PDE6A: variants seen among roughly 807,000 people sequenced by gnomAD.
PDE6A encodes the protein rod cGMP-specific 3',5'-cyclic phosphodiesterase subunit alpha.
A neutral mutation model predicts 106.3 loss-of-function variants in PDE6A; 84 were observed. The ratio of observed to expected loss-of-function variants is 0.79; its 90% confidence interval spans 0.66 to 0.95. The LOEUF is 0.95. PDE6A is among the 40% of genes least tolerant of loss of function. The pLI is 0.00. For synonymous variants in PDE6A, 394 were observed against 386.6 expected (o/e 1.02, Z -0.23); for missense variants, 1,052 against 1,084.9 (o/e 0.97, Z 0.43).
At chr5:149,897,373 C>T (rs1282550855) in intron 10 of PDE6A, among the ~76,000 whole-genome samples, 1 of 152,178 alleles carries the variant, frequency 6.6e-6, no homozygotes, top group African/African-American at 2.4e-5. Context: ...AATTTGTTAA[C>T]TTGTAACTGG....
At chr5:149,885,876 G>T (rs1752277936) in intron 14 of PDE6A, among the ~76,000 whole-genome samples, 1 of 152,146 alleles carries the variant, frequency 6.6e-6, no homozygotes, top group African/African-American at 2.4e-5. Context: ...CTTGCTTGTA[G>T]GCCATGCCTC....
intron 4 of PDE6A, among the ~76,000 whole-genome samples, chr5:149,924,335 C>T (rs1753814654): frequency 6.6e-6 from 1 of 151,808 alleles, no homozygotes; most frequent in Non-Finnish European, 1.5e-5. Context: ...CAAAGATTGT[C>T]CCAAGGAGAA....
At position 149,863,315 on chromosome 5, in the gene PDE6A, C is replaced by T. The variant is rs80109118; in HGVS notation, c.2359-49G>A. The T allele has an allele frequency of 6.2e-5, 100 of 1,605,196 alleles. No homozygotes were observed. In the African/African-American group the frequency reaches 1.2e-3, roughly 20 times the overall value. On this transcript the variant is annotated intron_variant, in intron 20 of 21. Coordinates refer to ENST00000255266, the MANE Select transcript of PDE6A (RefSeq NM_000440.3). The surrounding 1 kb of genome is among the most constrained non-coding windows in gnomAD (Gnocchi z 4.7). ...TGGTGCAAGGGCCAGGCCACAGGGT[C>T]TGGGCTCAAGCGGGTGGCACAGCTG...
chr5:149,895,561 G>C (rs906185612), intron 12 of PDE6A, among the ~76,000 whole-genome samples: 16 of 152,092 alleles, frequency 1.1e-4, no homozygotes. Context: ...CTCTGACTGA[G>C]CTTCATCAGT....
chr5:149,932,286 TCTCTTTTTAGTCGG>T, intron 3 of PDE6A: 1 of 1,442,850 alleles, frequency 6.9e-7, no homozygotes, highest in Non-Finnish European at 9.8e-7. Flanking sequence ...CGTAGACCGC[TCTCTTTTTAGTCGG>T]CCAACTGCAC....
At chr5:149,861,295 A>G (rs1444270564) in intron 21 of PDE6A, among the ~76,000 whole-genome samples, 2 of 152,232 alleles carry the variant, frequency 1.3e-5, no homozygotes, top group East Asian at 1.9e-4. Context: ...GCTTCAGCCA[A>G]TTGTTGTCAT....
At chr5:149,926,039 C>T (rs916121616) in intron 4 of PDE6A, among the ~76,000 whole-genome samples, 1 of 151,918 alleles carries the variant, frequency 6.6e-6, no homozygotes, top group African/African-American at 2.4e-5. Flanking sequence ...ATCAGGAGTT[C>T]GAGGCCAACC....
chr5:149,904,467 T>C (rs1375365693), intron 7 of PDE6A, among the ~76,000 whole-genome samples: 1 of 152,144 alleles, frequency 6.6e-6, no homozygotes, highest in Non-Finnish European at 1.5e-5. Context: ...GGCCACCGTG[T>C]ACAGTTGTGT....
At chr5:149,864,837 G>C (rs1760267247) in intron 20 of PDE6A, among the ~76,000 whole-genome samples, 1 of 152,190 alleles carries the variant, frequency 6.6e-6, no homozygotes, top group African/African-American at 2.4e-5. Context: ...CTTACCTTCA[G>C]CCATTAAATC....
Position 149,907,303 on chromosome 5 carries a change from A to G in PDE6A, c.1065+9T>C, listed in dbSNP as rs1484978737. ...CAAAACTCTCCCCCTTCAAAGTTAT[A>G]TTACTTACCAGGCCATTCTGGGCAA... On this transcript the variant is annotated intron_variant, in intron 7 of 21. Transcript: ENST00000255266. 6 of 1,605,044 alleles carry G rather than the reference A, an allele frequency of 3.7e-6. No homozygotes were observed. The highest frequency in any genetic ancestry group is 1.7e-5 in the Admixed American group (1 of 60,000).
Position 149,863,051 on chromosome 5 carries a change from GC to G in PDE6A, c.2506+67del. ...GAGACTCCGTGTAAGAGTCTCTGAG[GC>G]AGGACGCAGACACTGAGTGCTCAGG... On this transcript the variant is annotated intron_variant, in intron 21 of 21. Coordinates refer to ENST00000255266, the MANE Select transcript of PDE6A (RefSeq NM_000440.3). This position sits in a 1 kb window ranked among gnomAD's most constrained non-coding sequence, Gnocchi z 4.7. The G allele has an allele frequency of 6.3e-7, 1 of 1,579,024 alleles. No individual in the cohort carries two copies. The highest frequency in any genetic ancestry group is 8.7e-7 in the Non-Finnish European group (1 of 1,148,236).
In PDE6A at chr5:149,886,355, T is replaced by TGA. The variant is rs1561712011; in HGVS notation, c.1747_1748insTC (p.Tyr583PhefsTer6). ...GGCCAAGGCCTCTAGGTCCGTGAAG[T>TGA]AGCGCTTCAGCTTTCCCGTCTGGAA... On this transcript the variant is annotated frameshift_variant, in exon 14 of 22. Coordinates refer to ENST00000255266, the MANE Select transcript of PDE6A (RefSeq NM_000440.3). LOFTEE classifies it high-confidence loss of function. 6.2e-7 allele frequency: 1 copy of TGA among 1,613,894 alleles called. No homozygotes were observed. The highest frequency in any genetic ancestry group is 1.1e-5 in the South Asian group (1 of 91,076).
chr5:149,869,900 T>A (rs558545012), intron 17 of PDE6A, among the ~76,000 whole-genome samples: 34 of 152,094 alleles, frequency 2.2e-4, no homozygotes, highest in Non-Finnish European at 4.0e-4. Flanking sequence ...CTTGGATAAT[T>A]TTACAATTAA....
At chr5:149,892,769 C>T (rs1011680068) in intron 13 of PDE6A, among the ~76,000 whole-genome samples, 1 of 152,096 alleles carries the variant, frequency 6.6e-6, no homozygotes, top group African/African-American at 2.4e-5. Flanking sequence ...GTGTGAGCCA[C>T]TGCACCCAGC....
At chr5:149,916,314 T>C (rs1753550546) in intron 5 of PDE6A, among the ~76,000 whole-genome samples, 1 of 152,162 alleles carries the variant, frequency 6.6e-6, no homozygotes, top group Non-Finnish European at 1.5e-5. Context: ...AAGAAAGAGA[T>C]AAAGACGGCT....
rs368468450 is a variant in PDE6A at position 149,898,447 on chromosome 5, A to T, written c.1323T>A (p.Asn441Lys). ...AAATATCCTTCCTATTTTCAAGTTT[A>T]TTCATTGACTCATAGGTGTCAGGAT... is the stretch of plus-strand genomic sequence containing the variant. Reference protein sequence around the residue: ...VLNPDTYESMNKLENRKDIFQ... With the variant: ...VLNPDTYESMKKLENRKDIFQ... The change falls in exon 10 of 22, where the codon AAT becomes AAA. Residue 441 changes from asparagine (N) to lysine (K), a missense_variant. Physicochemically the swap from Asn to Lys is moderately conservative, Grantham distance 94 (BLOSUM62 0). Coordinates refer to ENST00000255266, the MANE Select transcript of PDE6A (RefSeq NM_000440.3). The T allele has an allele frequency of 6.2e-7, 1 of 1,613,508 alleles. No homozygotes were observed.
At chr5:149,920,959 A>AAAG (rs1286787246) in intron 5 of PDE6A, among the ~76,000 whole-genome samples, 1,855 of 129,094 alleles carry the variant, frequency 0.014, 49 homozygotes, top group African/African-American at 0.067. Context: ...AGAAAGAAAG[A>AAAG]AAGAAAGAAA....
At chr5:149,931,962 T>C (rs1754047623) in intron 3 of PDE6A, 2 of 1,215,276 alleles carry the variant, frequency 1.6e-6, no homozygotes, top group Non-Finnish European at 2.4e-6. Flanking sequence ...GCAAATCTTT[T>C]ATATTTCCAG....
intron 8 of PDE6A, among the ~76,000 whole-genome samples, chr5:149,903,269 T>C (rs1320743091): frequency 3.3e-5 from 5 of 150,598 alleles, no homozygotes; most frequent in Non-Finnish European, 7.4e-5. Context: ...CATGAAACTT[T>C]GGAGCTTTTG....
Sources: gnomAD v4.1 joint callset for allele counts (sites outside exome capture counted in the v4.1 genomes callset) on GRCh38, gnomAD v4.1.1 for gene constraint, Gnocchi (gnomAD v3.1) non-coding constraint, MANE v1.5 for transcripts, NCBI Gene and HGNC (gene_info 2026-07-23, HGNC 2026-07-21) for gene names.